PIGL: variants seen among roughly 807,000 people sequenced by gnomAD.
PIGL encodes phosphatidylinositol glycan anchor biosynthesis class L.
PIGL carries 22 observed loss-of-function variants against 31.1 expected under a neutral mutation model. That is an observed-to-expected ratio of 0.71 (90% confidence interval 0.51 to 1.01). The LOEUF is 1.01. Ranked by LOEUF, PIGL falls within the 50% of genes least tolerant of loss-of-function variation. The probability of loss-of-function intolerance (pLI) is 0.00; values close to 1 mark genes in which losing one functional copy is unlikely to be tolerated. For missense variants in PIGL, 302 were observed against 315.9 expected (o/e 0.96, Z 0.33); for synonymous variants, 131 against 117.4 (o/e 1.12, Z -0.75).
rs566492478 is a variant in PIGL at position 16,219,589 on chromosome 17, A to T, written c.235+2128A>T. On this transcript the variant is annotated intron_variant, in intron 1 of 6. Transcript: ENST00000225609. ...TTTTTTGTTTAGTTTTCTTTTTGAG[A>T]TGGAGTCTCACTCTGTCACCCAGGC... is the stretch of plus-strand genomic sequence containing the variant. Among the ~76,000 whole-genome samples the T allele has an allele frequency of 2.5e-4, 38 of 150,820 alleles. 1 individual carries two copies. Among genetic ancestry groups the T allele is most frequent in the African/African-American group, 9.3e-4 (38 of 41,080 alleles).
At chr17:16,259,329 T>C (rs1390496046) in intron 2 of PIGL, among the ~76,000 whole-genome samples, 1 of 146,316 alleles carries the variant, frequency 6.8e-6, no homozygotes, top group Non-Finnish European at 1.5e-5. Flanking sequence ...TATAGTCAAT[T>C]GATTTTCAAC....
chr17:16,217,276 G>A lies in PIGL; in HGVS notation c.50G>A (p.Gly17Asp). Reference protein sequence around the residue: ...LCVALAVLAWGFLWVWDSSER... With the variant: ...LCVALAVLAWDFLWVWDSSER... ...GTGGCGTTGGCGGTCTTGGCATGGG[G>A]CTTCCTCTGGGTTTGGGACTCCTCA... Residue 17 changes from glycine (G) to aspartate (D), a missense_variant, in exon 1 of 7, where the codon GGC becomes GAC. By Grantham distance (94) the Gly-to-Asp change is moderately conservative. Transcript: ENST00000225609. The A allele has an allele frequency of 6.2e-7, 1 of 1,614,210 alleles. No individual in the cohort carries two copies. Among genetic ancestry groups the A allele is most frequent in the Admixed American group, 1.7e-5 (1 of 60,020 alleles).
intron 2 of PIGL, among the ~76,000 whole-genome samples, chr17:16,269,854 T>G (rs2142767127): frequency 6.6e-6 from 1 of 152,254 alleles, no homozygotes; most frequent in Non-Finnish European, 1.5e-5. Flanking sequence ...AGTTTTGTTC[T>G]GTTTTTTTTA....
intron 2 of PIGL, among the ~76,000 whole-genome samples, chr17:16,281,785 T>C (rs949655164): frequency 6.6e-6 from 1 of 152,226 alleles, no homozygotes; most frequent in East Asian, 1.9e-4. Flanking sequence ...AGGGGACCTG[T>C]GATAGAATCT....
intron 3 of PIGL, among the ~76,000 whole-genome samples, chr17:16,310,077 C>CAAA (rs58352380): frequency 6.8e-5 from 6 of 88,706 alleles, no homozygotes; most frequent in East Asian, 2.8e-4. Context: ...GACTCCATCT[C>CAAA]AAAAAAAAAA....
intron 1 of PIGL, among the ~76,000 whole-genome samples, chr17:16,220,813 A>C (rs1249067684): frequency 6.6e-6 from 1 of 152,032 alleles, no homozygotes. Flanking sequence ...TTGTATTTTC[A>C]GTAGAGACAG....
Position 16,236,313 on chromosome 17 carries a change from C to G in PIGL, c.335+2243C>G, listed in dbSNP as rs79109333. Among the ~76,000 whole-genome samples, 964 of 152,260 alleles carry G rather than the reference C, an allele frequency of 6.3e-3. 18 individuals are homozygous for G. The highest frequency in any genetic ancestry group is 0.022 in the African/African-American group (896 of 41,568). ...GGTGTTTCAGGTTCAGTCATATGTT[C>G]TTTAATACTAAATTGTCTTATGTTT... On this transcript the variant is annotated intron_variant, in intron 2 of 6. Coordinates refer to ENST00000225609, the MANE Select transcript of PIGL (RefSeq NM_004278.4).
intron 2 of PIGL, among the ~76,000 whole-genome samples, chr17:16,269,325 G>A (rs543424342): frequency 6.6e-6 from 1 of 152,194 alleles, no homozygotes; most frequent in Non-Finnish European, 1.5e-5. Flanking sequence ...AAAATATAGA[G>A]GTTGATCTGC....
intron 2 of PIGL, among the ~76,000 whole-genome samples, chr17:16,255,646 C>T (rs61360753): frequency 0.031 from 4,787 of 152,126 alleles, 256 homozygotes; most frequent in African/African-American, 0.11. Context: ...TGAGAGCCTT[C>T]CCCTTACAAA....
At chr17:16,283,108 T>C (rs1323759222) in intron 2 of PIGL, among the ~76,000 whole-genome samples, 2 of 152,104 alleles carry the variant, frequency 1.3e-5, no homozygotes, top group African/African-American at 2.4e-5. Context: ...GTTTAAGCGA[T>C]TCTCCTGCCT....
At chr17:16,284,785 A>T (rs2092930516) in intron 2 of PIGL, among the ~76,000 whole-genome samples, 1 of 152,190 alleles carries the variant, frequency 6.6e-6, no homozygotes, top group Non-Finnish European at 1.5e-5. Context: ...CCAGAATGCT[A>T]CGGGAGACTG....
intron 2 of PIGL, among the ~76,000 whole-genome samples, chr17:16,248,300 T>G (rs1311724321): frequency 6.6e-6 from 1 of 152,236 alleles, no homozygotes; most frequent in Non-Finnish European, 1.5e-5. Context: ...TCTTACATTT[T>G]ACTATAAACA....
chr17:16,312,826 T>C (rs2093059946), intron 3 of PIGL: 2 of 146,632 alleles, frequency 1.4e-5, no homozygotes, highest in Non-Finnish European at 1.4e-5. Flanking sequence ...CAGGCTGAGG[T>C]AGGAGAATCA....
rs979927535 is a variant in PIGL, at chr17:16,218,335, A to G, written c.235+874A>G. On this transcript the variant is annotated intron_variant, in intron 1 of 6. Coordinates refer to ENST00000225609, the MANE Select transcript of PIGL (RefSeq NM_004278.4). ...TTTACTCGACATTACTTTTTCATTT[A>G]TTTACCAAATACTTATTAAACATTT... 4.6e-5 allele frequency: 7 copies of G among 152,220 alleles called. No homozygotes were observed. The South Asian group carries it at 1.5e-3, about 32-fold the overall frequency. The allele number at this position is 152,220 out of a possible 1,614,324, so 9.4% of individuals were successfully genotyped here.
intron 2 of PIGL, among the ~76,000 whole-genome samples, chr17:16,296,942 A>G (rs988399200): frequency 5.5e-4 from 84 of 151,752 alleles, no homozygotes; most frequent in Non-Finnish European, 9.7e-4. Context: ...GGATGGTCTC[A>G]ATCTCCTGAC....
chr17:16,263,001 CAGA>C (rs2092825143), intron 2 of PIGL, among the ~76,000 whole-genome samples: 1 of 149,628 alleles, frequency 6.7e-6, no homozygotes, highest in African/African-American at 2.5e-5. Context: ...ATTAAATGCC[CAGA>C]AGAAGCAAAT....
chr17:16,217,637 G>GTCT, intron 1 of PIGL, 176 bp downstream of exon 1: 1 of 529,966 alleles, frequency 1.9e-6, no homozygotes, highest in Non-Finnish European at 3.3e-6. Flanking sequence ...TTACCTGGTG[G>GTCT]GTTGGGGGAC....
Position 16,233,099 on chromosome 17 carries a change from G to T in PIGL, c.236-872G>T, listed in dbSNP as rs1293191830. Among the ~76,000 whole-genome samples, 3 of 142,328 alleles carry T rather than the reference G, an allele frequency of 2.1e-5. No individual in the cohort carries two copies. In the Admixed American group the frequency reaches 2.1e-4, roughly 10 times the overall value. 93.4% of individuals were successfully genotyped at this position (142,328 alleles called of 152,430 possible). A position where few individuals can be genotyped will look rare whatever the true frequency, so the allele number is the denominator to read the frequency against. On this transcript the variant is annotated intron_variant, in intron 1 of 6. Transcript: ENST00000225609. The stretch of plus-strand genomic sequence containing the variant: ...GCTGTACTCCAGCCAGGGCGACAGA[G>T]CAAGACTCTTAAAAAAAAAAAAAAT...
chr17:16,277,568 C>T (rs1024314398), intron 2 of PIGL, among the ~76,000 whole-genome samples: 6 of 152,158 alleles, frequency 3.9e-5, no homozygotes, highest in Non-Finnish European at 7.3e-5. Context: ...CAGTTAACTC[C>T]TGTTTTGCTT....
Sources: allele counts gnomAD v4.1 joint callset (sites outside exome capture counted in the v4.1 genomes callset), GRCh38; gene constraint gnomAD v4.1.1; transcripts MANE v1.5; gene names NCBI Gene and HGNC (gene_info 2026-07-23, HGNC 2026-07-21).